ECHDC2: variants seen among roughly 807,000 people sequenced by gnomAD.
ECHDC2 encodes enoyl-CoA hydratase domain-containing protein 2, mitochondrial.
Under a neutral mutation model 40.6 loss-of-function variants are expected in ECHDC2, and 34 were observed. That is an observed-to-expected ratio of 0.84 (90% CI 0.64 to 1.11). The LOEUF (loss-of-function observed/expected upper bound fraction) is 1.11, where lower values mean the gene tolerates loss of function less well. Ranked by LOEUF, ECHDC2 falls within the 50% of genes most tolerant of loss-of-function variation. ECHDC2 has a pLI of 0.00. For missense variants in ECHDC2, 392 were observed against 400.7 expected (o/e 0.98, Z 0.19); for synonymous variants, 162 against 166.6 (o/e 0.97, Z 0.21).
intron 7 of ECHDC2, chr1:52,900,777 T>G (rs749297024): frequency 6.6e-6 from 1 of 152,240 alleles, no homozygotes; most frequent in Non-Finnish European, 1.5e-5. Flanking sequence ...TCATCTTGCC[T>G]TTGATTTTTA....
At chr1:52,906,941 ATTT>A (rs532560153) in intron 4 of ECHDC2, 34 of 107,148 alleles carry the variant, frequency 3.2e-4, no homozygotes, top group South Asian at 8.6e-4. Flanking sequence ...ATTTTTTTGT[ATTT>A]TTTTTTTTTT....
chr1:52,896,116 T>TA lies in ECHDC2; in HGVS notation c.*403_*404insT, dbSNP rs1491307583. The TA allele has an allele frequency of 5.2e-6, 1 of 191,736 alleles. No individual in the cohort carries two copies. Among genetic ancestry groups the TA allele is most frequent in the African/African-American group, 2.3e-5 (1 of 43,542 alleles). 11.9% of individuals were successfully genotyped at this position (191,736 alleles called of 1,614,324 possible). On this transcript the variant is annotated 3_prime_UTR_variant, in exon 10 of 10. Transcript: ENST00000371522. The stretch of plus-strand genomic sequence containing the variant: ...GATGTCAGAGTTTATTTATTACCTC[T>TA]GTTGTTCACAGGAAGAAACTAGGGG...
chr1:52,913,154 G>C (rs947680860), intron 1 of ECHDC2: 1 of 152,166 alleles, frequency 6.6e-6, no homozygotes, highest in Non-Finnish European at 1.5e-5. Context: ...TGGGGTATTT[G>C]ACCTACAGGG....
chr1:52,905,451 A>G lies in ECHDC2; in HGVS notation c.458-361T>C, dbSNP rs371398849. On this transcript the variant is annotated intron_variant, in intron 5 of 9. Transcript: ENST00000371522. Reference sequence around the variant, plus strand: ...AAGGAGAGTTCCTAGGAGGTGCCCCATATCTATTTGTGGATTACTATTAAT... The same window carrying G: ...AAGGAGAGTTCCTAGGAGGTGCCCCGTATCTATTTGTGGATTACTATTAAT... 155 of 274,382 alleles carry G rather than the reference A, an allele frequency of 5.6e-4. 2 individuals carry two copies. Among genetic ancestry groups the G allele is most frequent in the African/African-American group, 3.2e-3 (151 of 46,668 alleles). The allele number at this position is 274,382 out of a possible 1,614,324, so 17.0% of individuals were successfully genotyped here. A position where few individuals can be genotyped will look rare whatever the true frequency, so the allele number is the denominator to read the frequency against.
intron 3 of ECHDC2, among the ~76,000 whole-genome samples, chr1:52,909,336 A>G (rs576768483): frequency 1.2e-4 from 19 of 152,316 alleles, no homozygotes; most frequent in African/African-American, 4.6e-4. Context: ...CCTCAGATAC[A>G]AAAATCCATG....
intron 9 of ECHDC2, 38 bp downstream of exon 9, chr1:52,897,399 C>G: frequency 6.2e-7 from 1 of 1,610,904 alleles, no homozygotes; most frequent in South Asian, 1.1e-5. Context: ...CTGGCCCAGC[C>G]TATGTTAACA....
chr1:52,908,893 T>C (rs923709389), intron 3 of ECHDC2, among the ~76,000 whole-genome samples: 1 of 142,344 alleles, frequency 7.0e-6, no homozygotes, highest in African/African-American at 2.7e-5. Flanking sequence ...TGAGCCAAGA[T>C]TGTGCCACTG....
intron 7 of ECHDC2, chr1:52,901,964 C>T (rs1647019715): frequency 2.6e-5 from 4 of 151,788 alleles, no homozygotes; most frequent in Admixed American, 2.0e-4. Context: ...ATAATAGAAA[C>T]TTGACAGCAT....
chr1:52,903,390 A>G (rs758392493), intron 7 of ECHDC2, among the ~76,000 whole-genome samples: 39 of 150,952 alleles, frequency 2.6e-4, no homozygotes, highest in Non-Finnish European at 4.1e-4. Context: ...ACCCTTTCCC[A>G]TGCTATTTGA....
chr1:52,899,018 TGTAAACTGAC>T, intron 8 of ECHDC2, 146 bp downstream of exon 8: 1 of 755,178 alleles, frequency 1.3e-6, no homozygotes, highest in South Asian at 1.5e-5. Flanking sequence ...TTTGCAGATG[TGTAAACTGAC>T]GTAGAGCACG....
intron 8 of ECHDC2, 66 bp from the exon 9 acceptor site, chr1:52,897,550 G>A: frequency 6.6e-7 from 1 of 1,520,406 alleles, no homozygotes; most frequent in Non-Finnish European, 9.1e-7. Flanking sequence ...CTGGAAGCCA[G>A]CCCACCCTAT....
chr1:52,904,699 C>A lies in ECHDC2; in HGVS notation c.649G>T (p.Gly217Trp), dbSNP rs1442836205. ...CGTGCCCGCTGGTAGGCGGCGTCCC[C>A]CTCCTCGTTCTGGGCCACAGCGTGA... ...VNHAVAQNEE[G>W]DAAYQRARAL... The change falls in exon 7 of 10, where the codon GGG (glycine) becomes TGG (tryptophan). Residue 217 changes from glycine to tryptophan, a missense_variant. Transcript: ENST00000371522. 6.2e-7 allele frequency: 1 copy of A among 1,612,028 alleles called. No individual in the cohort carries two copies. Among genetic ancestry groups the A allele is most frequent in the East Asian group, 2.2e-5 (1 of 44,860 alleles).
intron 1 of ECHDC2, chr1:52,912,076 T>A: frequency 2.2e-6 from 3 of 1,351,172 alleles, no homozygotes; most frequent in Non-Finnish European, 2.9e-6. Context: ...AGCCCTTGCC[T>A]GCTTCTGCTG....
chr1:52,907,085 T>A (rs1410321800), intron 4 of ECHDC2: 1 of 150,988 alleles, frequency 6.6e-6, no homozygotes, highest in Non-Finnish European at 1.5e-5. Flanking sequence ...CCGGCCTCTT[T>A]TTTTTCCTTT....
In ECHDC2 at chr1:52,897,348, C is replaced by T; in HGVS notation, c.801+89G>A. 4.6e-6 allele frequency: 6 copies of T among 1,308,874 alleles called. No homozygotes were observed. In the South Asian group the frequency reaches 7.1e-5, roughly 15 times the overall value. The allele number at this position is 1,308,874 out of a possible 1,614,324, so 81.1% of individuals were successfully genotyped here. On this transcript the variant is annotated intron_variant, in intron 9 of 9. Coordinates refer to ENST00000371522, the MANE Select transcript of ECHDC2 (RefSeq NM_001198961.2). ...GTCAGACTGTTTGTGTTGAGAAGAA[C>T]CTTCTAAAATTGGTCATGTACCATA... is the stretch of plus-strand genomic sequence containing the variant.
rs972046257 is a variant in ECHDC2 at position 52,897,278 on chromosome 1, T to C, written c.801+159A>G. ...AAGTCCCAGAGAGAAGCACTATGGC[T>C]CTCCTCAAGCCACTCCAGGTGACTT... is the stretch of plus-strand genomic sequence containing the variant. On this transcript the variant is annotated intron_variant, in intron 9 of 9. Transcript: ENST00000371522. The C allele has an allele frequency of 7.3e-5, 54 of 740,208 alleles. 1 individual carries two copies. Among genetic ancestry groups the C allele is most frequent in the Non-Finnish European group, 1.2e-4 (51 of 417,394 alleles). 45.9% of individuals were successfully genotyped at this position (740,208 alleles called of 1,614,324 possible).
At chr1:52,897,382 C>A in intron 9 of ECHDC2, 55 bp downstream of exon 9, 1 of 1,586,386 alleles carries the variant, frequency 6.3e-7, no homozygotes, top group African/African-American at 1.3e-5. Context: ...TACAAAGTCC[C>A]TCTAGCCTGG....
At chr1:52,920,605 C>G in intron 1 of ECHDC2, 2 of 1,084,572 alleles carry the variant, frequency 1.8e-6, no homozygotes, top group Non-Finnish European at 2.8e-6. Flanking sequence ...TAAGCTGTTC[C>G]CTGTGCCTAA....
At chr1:52,918,224 T>C (rs7532206) in intron 1 of ECHDC2, among the ~76,000 whole-genome samples, 7,858 of 152,128 alleles carry the variant, frequency 0.052, 718 homozygotes, top group African/African-American at 0.18. Context: ...GGGGTTTCAC[T>C]ATGTTTCCCA....
Sources: allele counts gnomAD v4.1 joint callset (sites outside exome capture counted in the v4.1 genomes callset), GRCh38; gene constraint gnomAD v4.1.1; transcripts MANE v1.5; gene names NCBI Gene and HGNC (gene_info 2026-07-23, HGNC 2026-07-21).